Variants in PIK3R4 observed in about 807,000 individuals in gnomAD.
The protein encoded by PIK3R4 is phosphoinositide 3-kinase regulatory subunit 4.
PIK3R4 carries 46 observed loss-of-function variants against 136.5 expected under a neutral mutation model. The observed-to-expected ratio is 0.34, with a 90% confidence interval of 0.27 to 0.43. The LOEUF (loss-of-function observed/expected upper bound fraction) is 0.43, where lower values mean the gene tolerates loss of function less well. Ranked by LOEUF, PIK3R4 falls within the 20% of genes least tolerant of loss-of-function variation. The pLI is 1.00. For missense variants in PIK3R4, 1,331 were observed against 1,649.5 expected, an observed-to-expected ratio of 0.81 and a Z score of 3.35; for synonymous variants, 557 against 566.7, an observed-to-expected ratio of 0.98 and a Z score of 0.24.
intron 7 of PIK3R4, among the ~76,000 whole-genome samples, chr3:130,718,921 C>T (rs1273944963): frequency 6.6e-6 from 1 of 152,112 alleles, no homozygotes; most frequent in East Asian, 1.9e-4. Context: ...CTTGTACCCC[C>T]ACAGAAGTTC....
chr3:130,688,794 A>G, intron 14 of PIK3R4, among the ~76,000 whole-genome samples: 1 of 152,192 alleles, frequency 6.6e-6, no homozygotes, highest in Non-Finnish European at 1.5e-5. Context: ...AGGTCAGCAA[A>G]CATCATCTAT....
At chr3:130,704,572 T>A (rs948277747) in intron 12 of PIK3R4, among the ~76,000 whole-genome samples, 1 of 152,166 alleles carries the variant, frequency 6.6e-6, no homozygotes, top group African/African-American at 2.4e-5. Flanking sequence ...CTTCTCAATT[T>A]CAATTTTTAT....
intron 12 of PIK3R4, among the ~76,000 whole-genome samples, chr3:130,705,172 TCTAA>T (rs573427295): frequency 1.8e-3 from 272 of 152,318 alleles, no homozygotes; most frequent in Non-Finnish European, 2.2e-3. Flanking sequence ...TTCTAAATTT[TCTAA>T]CTTTTTCTTA....
chr3:130,713,272 G>A (rs919569306), intron 9 of PIK3R4, among the ~76,000 whole-genome samples: 3 of 152,088 alleles, frequency 2.0e-5, no homozygotes, highest in African/African-American at 7.2e-5. Context: ...TAACCTTTAG[G>A]AGTCTCCTAA....
chr3:130,694,856 C>T (rs1174539944), intron 13 of PIK3R4, among the ~76,000 whole-genome samples: 1 of 152,006 alleles, frequency 6.6e-6, no homozygotes, highest in Non-Finnish European at 1.5e-5. Context: ...TTGTCTAACT[C>T]TTCATCTTAG....
At chr3:130,689,332 C>T (rs1282589963) in intron 14 of PIK3R4, among the ~76,000 whole-genome samples, 1 of 151,262 alleles carries the variant, frequency 6.6e-6, no homozygotes, top group Non-Finnish European at 1.5e-5. Context: ...TCAGTCATCA[C>T]ACAGTGCACT....
rs1576465680 is a variant in PIK3R4 at position 130,742,592 on chromosome 3, T to C, written c.733+1894A>G. On this transcript the variant is annotated intron_variant, in intron 2 of 19. Transcript: ENST00000356763. ...TATCAAAACATCTCTCAGTATTATCTTGGGACACAGATTAGTGAGCTGAAT... is the reference window on the plus strand; with the variant it reads ...TATCAAAACATCTCTCAGTATTATCCTGGGACACAGATTAGTGAGCTGAAT... 2.0e-5 allele frequency among the ~76,000 whole-genome samples: 3 copies of C among 152,352 alleles called. 1 individual carries two copies. In the Middle Eastern group the frequency reaches 0.01, roughly 518 times the overall value.
intron 5 of PIK3R4, among the ~76,000 whole-genome samples, chr3:130,729,144 G>C (rs532614386): frequency 1.3e-5 from 2 of 152,308 alleles, no homozygotes; most frequent in South Asian, 2.1e-4. Context: ...TGCAAGTTCT[G>C]TCAAGGCTTT....
intron 7 of PIK3R4, among the ~76,000 whole-genome samples, chr3:130,723,090 A>AAAAAAAAAAAAAAAAAAAAAAAAAAAAAC (rs2066711796): frequency 7.0e-6 from 1 of 143,222 alleles, no homozygotes; most frequent in Non-Finnish European, 1.5e-5. Context: ...AAAAAAAAAA[A>AAAAAAAAAAAAAAAAAAAAAAAAAAAAAC]AAAAAAATTA....
In PIK3R4 at chr3:130,703,877, T is replaced by C. The variant is rs1471499137; in HGVS notation, c.2944A>G (p.Lys982Glu). 56 of 1,610,526 alleles carry C rather than the reference T, an allele frequency of 3.5e-5. No homozygotes were observed. The highest frequency in any genetic ancestry group is 8.0e-5 in the African/African-American group (6 of 74,818). ...SKPPPPGWRP[K>E]GLLVAHLHEH... ...TGAAGATGGGCAACTAACAGCCCTT[T>C]AGGACGCCATCCTAAGGAAAAGCAA... Residue 982 changes from lysine to glutamate, a missense_variant, in exon 13 of 20, where the codon AAA becomes GAA. By Grantham distance (56) the Lys-to-Glu change is moderately conservative. Around this residue, in one of 2 missense-constraint regions of PIK3R4, gnomAD observed 1,180 missense variants for 1,407.0 expected, o/e 0.84. Transcript: ENST00000356763.
Position 130,734,080 on chromosome 3 carries a change from ATCT to A in PIK3R4, c.915_917del (p.Glu305del). 6.2e-7 allele frequency: 1 copy of A among 1,614,088 alleles called. No homozygotes were observed. The highest frequency in any genetic ancestry group is 8.5e-7 in the Non-Finnish European group (1 of 1,179,936). On this transcript the variant is annotated inframe_deletion, in exon 4 of 20. Coordinates refer to ENST00000356763, the MANE Select transcript of PIK3R4 (RefSeq NM_014602.3). ...CATTGCCACGCTGCTGTTTTAAGTAATCTTCTGCCTCTAAACGTTTATCTGGCT... is the reference window on the plus strand; with the variant it reads ...CATTGCCACGCTGCTGTTTTAAGTAATCTGCCTCTAAACGTTTATCTGGCT...
At chr3:130,729,215 C>A (rs909909028) in intron 5 of PIK3R4, among the ~76,000 whole-genome samples, 22 of 152,264 alleles carry the variant, frequency 1.4e-4, no homozygotes, top group Middle Eastern at 6.8e-3. Flanking sequence ...CTCACTTTTT[C>A]TCACTTATTT....
chr3:130,702,790 G>A (rs1320222823), intron 13 of PIK3R4, among the ~76,000 whole-genome samples: 1 of 152,154 alleles, frequency 6.6e-6, no homozygotes, highest in Non-Finnish European at 1.5e-5. Context: ...ATCACATCAT[G>A]CATATTTAAA....
At chr3:130,690,713 T>C (rs891950844) in intron 13 of PIK3R4, 59 bp from the exon 14 acceptor site, 1 of 1,064,830 alleles carries the variant, frequency 9.4e-7, no homozygotes, top group East Asian at 2.5e-5. Flanking sequence ...ATGTTAAATA[T>C]CCACATGGCC....
At chr3:130,703,087 C>A (rs2066587210) in intron 13 of PIK3R4, among the ~76,000 whole-genome samples, 1 of 152,148 alleles carries the variant, frequency 6.6e-6, no homozygotes, top group Admixed American at 6.6e-5. Context: ...ACATAACAGC[C>A]AGAGTAATTC....
At chr3:130,740,146 T>A (rs937444936) in intron 2 of PIK3R4, among the ~76,000 whole-genome samples, 2 of 152,122 alleles carry the variant, frequency 1.3e-5, no homozygotes, top group Non-Finnish European at 2.9e-5. Flanking sequence ...AACTAAAATG[T>A]ATAAAAATGA....
intron 16 of PIK3R4, among the ~76,000 whole-genome samples, 169 bp downstream of exon 16, chr3:130,684,081 G>C (rs1305610015): frequency 6.6e-6 from 1 of 152,064 alleles, no homozygotes; most frequent in African/African-American, 2.4e-5. Context: ...GATCATTTTT[G>C]AACATAGATG....
intron 2 of PIK3R4, among the ~76,000 whole-genome samples, chr3:130,740,660 G>C (rs2066817364): frequency 6.6e-6 from 1 of 152,150 alleles, no homozygotes; most frequent in African/African-American, 2.4e-5. Context: ...TACCCAGGAG[G>C]TGGAAGTTGC....
At chr3:130,700,300 A>G (rs1269513592) in intron 13 of PIK3R4, among the ~76,000 whole-genome samples, 1 of 152,160 alleles carries the variant, frequency 6.6e-6, no homozygotes, top group Non-Finnish European at 1.5e-5. Flanking sequence ...TACTGCTCAT[A>G]TTGTTTTAAG....
Sources: allele counts gnomAD v4.1 joint callset (sites outside exome capture counted in the v4.1 genomes callset), GRCh38; gene constraint gnomAD v4.1.1; regional missense constraint gnomAD v4.1.1; transcripts MANE v1.5; gene names NCBI Gene and HGNC (gene_info 2026-07-23, HGNC 2026-07-21).